The following ARHGAP31 variants were observed in gnomAD, a reference collection of about 807,000 sequenced individuals.
ARHGAP31 encodes Rho GTPase activating protein 31.
A neutral mutation model predicts 113.9 loss-of-function variants in ARHGAP31; 34 were observed. The observed-to-expected ratio is 0.30, with a 90% CI of 0.23 to 0.40. The LOEUF is 0.40. Among genes scored for constraint, ARHGAP31 ranks in the 10% least tolerant of loss-of-function variants. ARHGAP31 has a pLI of 1.00. For synonymous variants in ARHGAP31, 650 were observed against 684.8 expected, an observed-to-expected ratio of 0.95 and a Z score of 0.79; for missense variants, 1,548 against 1,767.1, an observed-to-expected ratio of 0.88 and a Z score of 2.22.
chr3:119,362,169 A>G (rs1316757835), intron 1 of ARHGAP31, among the ~76,000 whole-genome samples: 2 of 152,160 alleles, frequency 1.3e-5, no homozygotes, highest in Non-Finnish European at 2.9e-5. Flanking sequence ...AGTGTTCTTT[A>G]TCAAGGTCCT....
rs1475268411 is a variant in ARHGAP31 at position 119,417,697 on chromosome 3, A to C, written c.*1433A>C. ...ACTCTGTATACAAGCAGAAGCAATA[A>C]ACCAATCTGATTTTCTTTTCAATTA... On this transcript the variant is annotated 3_prime_UTR_variant, in exon 12 of 12. Transcript: ENST00000264245. The C allele has an allele frequency of 6.6e-6, 1 of 152,030 alleles. No individual in the cohort carries two copies. Among genetic ancestry groups the C allele is most frequent in the Non-Finnish European group, 1.5e-5 (1 of 68,022 alleles). 9.4% of individuals were successfully genotyped at this position (152,030 alleles called of 1,614,324 possible).
intron 1 of ARHGAP31, among the ~76,000 whole-genome samples, chr3:119,336,849 A>C (rs1270136755): frequency 1.3e-5 from 2 of 152,180 alleles, no homozygotes; most frequent in Non-Finnish European, 2.9e-5. Flanking sequence ...CTAAGAAACC[A>C]TGAATCTAGT....
chr3:119,307,778 C>G (rs1002813175), intron 1 of ARHGAP31, among the ~76,000 whole-genome samples: 3 of 151,794 alleles, frequency 2.0e-5, no homozygotes, highest in African/African-American at 7.3e-5. Context: ...ATCTGGCAAT[C>G]AAGTCTGTTT....
In ARHGAP31 at chr3:119,415,754, G is replaced by C; in HGVS notation, c.3825G>C (p.Val1275=). The C allele has an allele frequency of 6.2e-7, 1 of 1,614,202 alleles. No homozygotes were observed. The highest frequency in any genetic ancestry group is 1.1e-5 in the South Asian group (1 of 91,082). The change falls in exon 12 of 12, where the codon GTG becomes GTC. Residue 1275 remains valine (V), a synonymous_variant. Transcript: ENST00000264245. ...QDPGAIKSSP[V]DATAPCMCEG... is the part of the protein sequence containing the mutation. ...CCGGAGCCATTAAGTCCTCACCAGT[G>C]GATGCCACTGCACCCTGCATGTGCG...
At chr3:119,303,782 G>GTTTTT (rs140742505) in intron 1 of ARHGAP31, among the ~76,000 whole-genome samples, 1 of 150,576 alleles carries the variant, frequency 6.6e-6, no homozygotes, top group African/African-American at 2.5e-5. Context: ...CTCTTTTCAT[G>GTTTTT]TTTTTTGTTG....
chr3:119,361,705 A>T (rs2080208487), intron 1 of ARHGAP31, among the ~76,000 whole-genome samples: 1 of 152,206 alleles, frequency 6.6e-6, no homozygotes, highest in Admixed American at 6.5e-5. Flanking sequence ...CGAGTACATC[A>T]GAATCATCCG....
At chr3:119,409,012 A>C (rs1489540458) in intron 10 of ARHGAP31, among the ~76,000 whole-genome samples, 1 of 152,124 alleles carries the variant, frequency 6.6e-6, no homozygotes, top group Non-Finnish European at 1.5e-5. Context: ...GTTATTTGAG[A>C]AGTCAGAGAC....
At chr3:119,315,961 G>A (rs1253913407) in intron 1 of ARHGAP31, among the ~76,000 whole-genome samples, 2 of 152,172 alleles carry the variant, frequency 1.3e-5, no homozygotes, top group South Asian at 2.1e-4. Flanking sequence ...CTATGAAGTC[G>A]TGAGGCAGGT....
chr3:119,389,876 A>G (rs1461461714), intron 6 of ARHGAP31, among the ~76,000 whole-genome samples: 2 of 152,238 alleles, frequency 1.3e-5, no homozygotes, highest in African/African-American at 4.8e-5. Flanking sequence ...TCACAACCTC[A>G]GCACTATTGA....
rs1309180831 is a variant in ARHGAP31, at chr3:119,368,539, T to C, written c.348+23T>C. 1.9e-6 allele frequency: 3 copies of C among 1,613,864 alleles called. No individual in the cohort carries two copies. The East Asian group carries it at 6.7e-5, about 36-fold the overall frequency. On this transcript the variant is annotated intron_variant, in intron 3 of 11. Coordinates refer to ENST00000264245, the MANE Select transcript of ARHGAP31 (RefSeq NM_020754.4). ...ACGGTGAGTGTTTGGATTTCCATTA[T>C]GGTTACTGGGTGGGATGCATGGATG... is the stretch of plus-strand genomic sequence containing the variant.
intron 3 of ARHGAP31, among the ~76,000 whole-genome samples, chr3:119,369,319 T>G (rs1225723697): frequency 2.0e-5 from 3 of 152,110 alleles, no homozygotes; most frequent in African/African-American, 7.2e-5. Context: ...CTGGGGGCAT[T>G]GAAACAATTT....
intron 3 of ARHGAP31, among the ~76,000 whole-genome samples, chr3:119,369,804 T>C (rs533089916): frequency 5.9e-4 from 90 of 152,334 alleles, no homozygotes; most frequent in African/African-American, 2.1e-3. Context: ...TTTTCTTGTT[T>C]CTTTAACTTT....
At position 119,414,900 on chromosome 3, in the gene ARHGAP31, G is replaced by C. The variant is rs749442313; in HGVS notation, c.2971G>C (p.Ala991Pro). 6.2e-7 allele frequency: 1 copy of C among 1,614,156 alleles called. No individual in the cohort carries two copies. The highest frequency in any genetic ancestry group is 8.5e-7 in the Non-Finnish European group (1 of 1,180,010). ...GAATTCTGACCCTCTTCAGCCCCAG[G>C]CACCCAGGAGAGAGATTACTGGATG... ...ERNSDPLQPQ[A>P]PRREITGWDE... Residue 991 changes from alanine to proline, a missense_variant, in exon 12 of 12, where the codon GCA becomes CCA. By Grantham distance (27) the Ala-to-Pro change is conservative. Coordinates refer to ENST00000264245, the MANE Select transcript of ARHGAP31 (RefSeq NM_020754.4).
chr3:119,392,673 T>C (rs932508061), intron 7 of ARHGAP31, among the ~76,000 whole-genome samples: 2 of 152,164 alleles, frequency 1.3e-5, no homozygotes, highest in African/African-American at 4.8e-5. Flanking sequence ...TTTCCCCATC[T>C]CACCAAAGCA....
chr3:119,356,396 C>T (rs549629187), intron 1 of ARHGAP31, among the ~76,000 whole-genome samples: 8 of 152,018 alleles, frequency 5.3e-5, no homozygotes, highest in Admixed American at 1.3e-4. Context: ...TTTGGGAGGC[C>T]GAGGCAGGTA....
chr3:119,416,366 C>A lies in ARHGAP31; in HGVS notation c.*102C>A. On this transcript the variant is annotated 3_prime_UTR_variant, in exon 12 of 12. Transcript: ENST00000264245. Reference sequence around the variant, plus strand: ...CAGGCACACGTTATCAAGTTTGGGCCTATTGTGGCCTCTGACTTCTCTTTC... The same window carrying A: ...CAGGCACACGTTATCAAGTTTGGGCATATTGTGGCCTCTGACTTCTCTTTC... 1 of 1,529,314 alleles carries A rather than the reference C, an allele frequency of 6.5e-7. No homozygotes were observed. Among genetic ancestry groups the A allele is most frequent in the Non-Finnish European group, 8.9e-7 (1 of 1,121,784 alleles). The allele number at this position is 1,529,314 out of a possible 1,614,324, so 94.7% of individuals were successfully genotyped here. A position where few individuals can be genotyped will look rare whatever the true frequency, so the allele number is the denominator to read the frequency against.
chr3:119,307,939 G>GAAAAAAAAAAAAAAAAAAAAAAAAAA (rs1559961514), intron 1 of ARHGAP31, among the ~76,000 whole-genome samples: 2 of 1,648 alleles, frequency 1.2e-3, no homozygotes, highest in African/African-American at 1.7e-3. Context: ...TGAATTAACA[G>GAAAAAAAAAAAAAAAAAAAAAAAAAA]CAAAAAAAAA....
In ARHGAP31 at chr3:119,417,250, T is replaced by A. The variant is rs1355955709; in HGVS notation, c.*986T>A. ...ATTGGTGGGGCACCAGCAGAAAATA[T>A]TCTAGCTCAGCTTTACTCTTCTTCC... is the stretch of plus-strand genomic sequence containing the variant. On this transcript the variant is annotated 3_prime_UTR_variant, in exon 12 of 12. Coordinates refer to ENST00000264245, the MANE Select transcript of ARHGAP31 (RefSeq NM_020754.4). 7 of 9,428 alleles carry A rather than the reference T, an allele frequency of 7.4e-4. No homozygotes were observed. The highest frequency in any genetic ancestry group is 5.8e-4 in the Non-Finnish European group (3 of 5,174). The allele number at this position is 9,428 out of a possible 1,614,324, so 0.6% of individuals were successfully genotyped here.
chr3:119,311,257 T>C (rs1219317873), intron 1 of ARHGAP31, among the ~76,000 whole-genome samples: 1 of 152,232 alleles, frequency 6.6e-6, no homozygotes, highest in East Asian at 1.9e-4. Flanking sequence ...CTCTGTGTAT[T>C]AGGTGTCTGC....
Sources: allele counts gnomAD v4.1 joint callset (sites outside exome capture counted in the v4.1 genomes callset), GRCh38; gene constraint gnomAD v4.1.1; transcripts MANE v1.5; gene names NCBI Gene and HGNC (gene_info 2026-07-23, HGNC 2026-07-21).